Variants in DMRTB1 observed in about 807,000 individuals in gnomAD.
DMRTB1 encodes the protein doublesex- and mab-3-related transcription factor B1.
DMRTB1 carries 9 observed loss-of-function variants against 25.2 expected under a neutral mutation model. The ratio of observed to expected loss-of-function variants is 0.36; its 90% confidence interval spans 0.22 to 0.62. DMRTB1 has a LOEUF of 0.62. Ranked by LOEUF, DMRTB1 falls within the 20% of genes least tolerant of loss-of-function variation. The pLI, the probability that DMRTB1 is intolerant of heterozygous loss-of-function variation, is 0.71. For synonymous variants in DMRTB1, 269 were observed against 238.1 expected (o/e 1.13, Z -1.20); for missense variants, 551 against 499.3 (o/e 1.10, Z -0.99).
rs1273432508 is a variant in DMRTB1 at position 53,466,677 on chromosome 1, C to T, written c.*15C>T. Reference sequence around the variant, plus strand: ...AGTCCGACTAGGCCCCAGGCCCGCCCTCCTGGCCAGCAGAGTGGGGCACTG... The same window carrying T: ...AGTCCGACTAGGCCCCAGGCCCGCCTTCCTGGCCAGCAGAGTGGGGCACTG... On this transcript the variant is annotated 3_prime_UTR_variant, in exon 4 of 4. Coordinates refer to ENST00000371445, the MANE Select transcript of DMRTB1 (RefSeq NM_033067.3). The T allele has an allele frequency of 1.9e-6, 3 of 1,613,888 alleles. No individual in the cohort carries two copies. The highest frequency in any genetic ancestry group is 1.7e-5 in the Admixed American group (1 of 59,948).
chr1:53,466,683 G>T lies in DMRTB1; in HGVS notation c.*21G>T, dbSNP rs200827162. The T allele has an allele frequency of 5.3e-5, 86 of 1,613,094 alleles. No individual in the cohort carries two copies. In the African/African-American group the frequency reaches 1.1e-3, roughly 21 times the overall value. ...ACTAGGCCCCAGGCCCGCCCTCCTGGCCAGCAGAGTGGGGCACTGGGGGGC... is the reference window on the plus strand; with the variant it reads ...ACTAGGCCCCAGGCCCGCCCTCCTGTCCAGCAGAGTGGGGCACTGGGGGGC... On this transcript the variant is annotated 3_prime_UTR_variant, in exon 4 of 4. Coordinates refer to ENST00000371445, the MANE Select transcript of DMRTB1 (RefSeq NM_033067.3).
In DMRTB1 at chr1:53,466,786, C is replaced by A. The variant is rs1569656673; in HGVS notation, c.*124C>A. On this transcript the variant is annotated 3_prime_UTR_variant, in exon 4 of 4. Transcript: ENST00000371445. ...TTGATAGCATAGATGGCAACTGATT[C>A]CCAGTTTAAGATAGGAGGAAGGAGA... 2.1e-6 allele frequency: 2 copies of A among 966,488 alleles called. No individual in the cohort carries two copies. The highest frequency in any genetic ancestry group is 2.1e-5 in the Admixed American group (1 of 48,702). The allele number at this position is 966,488 out of a possible 1,614,324, so 59.9% of individuals were successfully genotyped here.
rs879006113 is a variant in DMRTB1, at chr1:53,460,029, T to C, written c.576T>C (p.Phe192=). 5 of 1,571,084 alleles carry C rather than the reference T, an allele frequency of 3.2e-6. No individual in the cohort carries two copies. The highest frequency in any genetic ancestry group is 2.4e-5 in the East Asian group (1 of 42,232). ...TGCCCGGCCCACTGTTCACCGACTT[T>C]GGTAAGTCGTGGCCTTGGTCCCGCG... ...RTVPGPLFTD[F]VRPLNINPDR... Residue 192 remains phenylalanine (F), a splice_region_variant and synonymous_variant, in exon 1 of 4, where the codon TTT becomes TTC. Coordinates refer to ENST00000371445, the MANE Select transcript of DMRTB1 (RefSeq NM_033067.3).
At chr1:53,464,899 G>T in intron 3 of DMRTB1, 52 bp downstream of exon 3, 1 of 1,608,982 alleles carries the variant, frequency 6.2e-7, no homozygotes, top group Non-Finnish European at 8.5e-7. Flanking sequence ...AGACTTTCTG[G>T]AGGAAGAGGT....
chr1:53,466,659 C>T lies in DMRTB1; in HGVS notation c.1026C>T (p.Asp342=), dbSNP rs1644051921. The T allele has an allele frequency of 2.5e-6, 4 of 1,614,206 alleles. No individual in the cohort carries two copies. The highest frequency in any genetic ancestry group is 1.7e-6 in the Non-Finnish European group (2 of 1,180,026). Residue 342 remains aspartate, a synonymous_variant, in exon 4 of 4, where the codon GAC becomes GAT. Coordinates refer to ENST00000371445, the MANE Select transcript of DMRTB1 (RefSeq NM_033067.3). ...PSQPSSQEQS[D] ...AGCCATCGTCTCAGGAGCAGTCCGA[C>T]TAGGCCCCAGGCCCGCCCTCCTGGC... is the stretch of plus-strand genomic sequence containing the variant.
chr1:53,463,587 C>T (rs895484183), intron 2 of DMRTB1, among the ~76,000 whole-genome samples: 3 of 152,214 alleles, frequency 2.0e-5, no homozygotes, highest in African/African-American at 2.4e-5. Flanking sequence ...TCCCTTCCTG[C>T]TGGTTGAACG....
chr1:53,460,792 C>G (rs1016893090), intron 1 of DMRTB1, among the ~76,000 whole-genome samples: 4 of 152,196 alleles, frequency 2.6e-5, no homozygotes, highest in African/African-American at 4.8e-5. Context: ...GTGGGACGGG[C>G]TCAGGCCGAG....
Position 53,459,816 on chromosome 1 carries a change from G to C in DMRTB1, c.363G>C (p.Glu121Asp), listed in dbSNP as rs760118707. ...PEGRAAACFF[E>D]QPPRGRNPGP... ...GCCGCGCGGCCGCTTGCTTCTTCGA[G>C]CAGCCCCCGCGGGGCCGGAACCCCG... Residue 121 changes from glutamate (E) to aspartate (D), a missense_variant, in exon 1 of 4, where the codon GAG (glutamate) becomes GAC (aspartate). By Grantham distance (45) the Glu-to-Asp change is conservative (BLOSUM62 2). Transcript: ENST00000371445. 6.9e-7 allele frequency: 1 copy of C among 1,445,008 alleles called. No individual in the cohort carries two copies. The highest frequency in any genetic ancestry group is 3.1e-5 in the East Asian group (1 of 32,068). The allele number at this position is 1,445,008 out of a possible 1,614,324, so 89.5% of individuals were successfully genotyped here. A position where few individuals can be genotyped will look rare whatever the true frequency, so the allele number is the denominator to read the frequency against.
At chr1:53,460,597 A>C (rs1234078061) in intron 1 of DMRTB1, 2 of 152,640 alleles carry the variant, frequency 1.3e-5, no homozygotes, top group Non-Finnish European at 2.9e-5. Context: ...ACACACGAGA[A>C]CAGTTGGTCA....
chr1:53,461,619 C>G lies in DMRTB1; in HGVS notation c.724C>G (p.Arg242Gly), dbSNP rs758842237. 9.3e-6 allele frequency: 15 copies of G among 1,605,388 alleles called. No homozygotes were observed. Among genetic ancestry groups the G allele is most frequent in the Admixed American group, 5.1e-5 (3 of 59,214 alleles). The change falls in exon 2 of 4, where the codon CGC becomes GGC. Residue 242 changes from arginine to glycine, a missense_variant. Coordinates refer to ENST00000371445, the MANE Select transcript of DMRTB1 (RefSeq NM_033067.3). ...GCAGCAGGGCTTCCGGCATGTGTCC[C>G]GCAGCCAGTACCAAGGCGGAGGCTT... The part of the protein sequence containing the change: ...PLQQGFRHVS[R>G]SQYQGGGLVS...
chr1:53,465,910 GA>G (rs1472448195), intron 3 of DMRTB1, among the ~76,000 whole-genome samples: 1 of 152,222 alleles, frequency 6.6e-6, no homozygotes, highest in Non-Finnish European at 1.5e-5. Context: ...AACAGAACCT[GA>G]AGTGATGAAG....
At position 53,459,940 on chromosome 1, in the gene DMRTB1, G is replaced by C. The variant is rs1459684665; in HGVS notation, c.487G>C (p.Gly163Arg). 3 of 1,567,402 alleles carry C rather than the reference G, an allele frequency of 1.9e-6. No homozygotes were observed. The Admixed American group carries it at 5.2e-5, about 27-fold the overall frequency. ...GCCCAGCCTTGCGGGACCCCCTTTT[G>C]GGGCGGAGGCCGCAGGCAGTGGCTA... ...AMPSLAGPPF[G>R]AEAAGSGYPG... is the part of the protein sequence containing the mutation. Residue 163 changes from glycine to arginine, a missense_variant, in exon 1 of 4, where the codon GGG becomes CGG. Transcript: ENST00000371445.
At chr1:53,460,438 A>G (rs1341064083) in intron 1 of DMRTB1, 3 of 163,884 alleles carry the variant, frequency 1.8e-5, no homozygotes, top group African/African-American at 7.2e-5. Flanking sequence ...TCCTGCCGGC[A>G]CGTTAGCGCA....
Position 53,459,956 on chromosome 1 carries a change from G to T in DMRTB1, c.503G>T (p.Gly168Val). 3 of 1,575,504 alleles carry T rather than the reference G, an allele frequency of 1.9e-6. No homozygotes were observed. Among genetic ancestry groups the T allele is most frequent in the Non-Finnish European group, 2.6e-6 (3 of 1,170,206 alleles). ...AGPPFGAEAA[G>V]SGYPGPLDLR... ...CCCCCTTTTGGGGCGGAGGCCGCAGGCAGTGGCTACCCTGGCCCCCTAGAC... is the reference window on the plus strand; with the variant it reads ...CCCCCTTTTGGGGCGGAGGCCGCAGTCAGTGGCTACCCTGGCCCCCTAGAC... The change falls in exon 1 of 4, where the codon GGC becomes GTC. Residue 168 changes from glycine (G) to valine (V), a missense_variant. By Grantham distance (109) the Gly-to-Val change is moderately radical. Transcript: ENST00000371445.
At position 53,462,467 on chromosome 1, in the gene DMRTB1, C is replaced by T. The variant is rs567384948; in HGVS notation, c.750+822C>T. Among the ~76,000 whole-genome samples the T allele has an allele frequency of 3.3e-5, 5 of 152,348 alleles. No individual in the cohort carries two copies. The South Asian group carries it at 8.3e-4, about 25-fold the overall frequency. On this transcript the variant is annotated intron_variant, in intron 2 of 3. Coordinates refer to ENST00000371445, the MANE Select transcript of DMRTB1 (RefSeq NM_033067.3). Reference sequence around the variant, plus strand: ...CACTGGGTCCTCACTCCTGCTTCAGCCTGGCGGCAGCAGCTTCTCTTCCAC... The same window carrying T: ...CACTGGGTCCTCACTCCTGCTTCAGTCTGGCGGCAGCAGCTTCTCTTCCAC...
At position 53,466,618 on chromosome 1, in the gene DMRTB1, T is replaced by A; in HGVS notation, c.985T>A (p.Ser329Thr). 6.2e-7 allele frequency: 1 copy of A among 1,614,216 alleles called. No homozygotes were observed. The highest frequency in any genetic ancestry group is 1.7e-5 in the Admixed American group (1 of 60,024). The change falls in exon 4 of 4, where the codon TCG (serine) becomes ACG (threonine). Residue 329 changes from serine (S) to threonine (T), a missense_variant. Transcript: ENST00000371445. ...AGATGACCAGGATGCAGAGGTACTG[T>A]CGGGTGAGCCCAGCCAGCCATCGTC... ...NTDDQDAEVL[S>T]GEPSQPSSQE...
chr1:53,461,729 C>T (rs1174012493), intron 2 of DMRTB1, 84 bp downstream of exon 2: 2 of 1,457,200 alleles, frequency 1.4e-6, no homozygotes, highest in African/African-American at 2.8e-5. Context: ...CCCAGGAAGC[C>T]AGCTGTCATA....
chr1:53,464,442 TG>T (rs1411243958), intron 2 of DMRTB1, among the ~76,000 whole-genome samples, 194 bp from the exon 3 acceptor site: 1 of 152,196 alleles, frequency 6.6e-6, no homozygotes, highest in Admixed American at 6.5e-5. Context: ...TGAGGTTGCC[TG>T]TGTTCCTTCT....
Position 53,466,825 on chromosome 1 carries a change from T to C in DMRTB1, c.*163T>C, listed in dbSNP as rs1293375828. On this transcript the variant is annotated 3_prime_UTR_variant, in exon 4 of 4. Coordinates refer to ENST00000371445, the MANE Select transcript of DMRTB1 (RefSeq NM_033067.3). Reference sequence around the variant, plus strand: ...GGAGGAAGGAGAGCAATTTCTAAGTTTCAATCCTGCGCTGTACAGTTGAAG... The same window carrying C: ...GGAGGAAGGAGAGCAATTTCTAAGTCTCAATCCTGCGCTGTACAGTTGAAG... The C allele has an allele frequency of 4.2e-6, 3 of 717,692 alleles. No homozygotes were observed. The African/African-American group carries it at 5.3e-5, about 13-fold the overall frequency. The allele number at this position is 717,692 out of a possible 1,614,324, so 44.5% of individuals were successfully genotyped here. A position where few individuals can be genotyped will look rare whatever the true frequency, so the allele number is the denominator to read the frequency against.
Sources: gnomAD v4.1 joint callset for allele counts (sites outside exome capture counted in the v4.1 genomes callset) on GRCh38, gnomAD v4.1.1 for gene constraint, MANE v1.5 for transcripts, NCBI Gene and HGNC (gene_info 2026-07-23, HGNC 2026-07-21) for gene names.